UNC80: variants seen among roughly 807,000 people sequenced by gnomAD.
The protein encoded by UNC80 is protein unc-80 homolog.
Under a neutral mutation model 384.6 loss-of-function variants are expected in UNC80, and 164 were observed. That is an observed-to-expected ratio of 0.43 (90% CI 0.38 to 0.49). The LOEUF (loss-of-function observed/expected upper bound fraction) is 0.49, where lower values mean the gene tolerates loss of function less well. Ranked by LOEUF, UNC80 falls within the 20% of genes least tolerant of loss-of-function variation. UNC80 has a pLI of 0.00. For synonymous variants in UNC80, 1,486 were observed against 1,527.8 expected (o/e 0.97, Z 0.64); for missense variants, 3,330 against 4,143.0 (o/e 0.80, Z 5.39).
intron 46 of UNC80, among the ~76,000 whole-genome samples, chr2:209,945,644 T>G (rs1040937718): frequency 2.6e-5 from 4 of 152,208 alleles, no homozygotes; most frequent in Non-Finnish European, 4.4e-5. Context: ...GTATTTTTAT[T>G]TTACATCTGA....
At chr2:209,880,739 G>A (rs2085214354) in intron 24 of UNC80, among the ~76,000 whole-genome samples, 1 of 152,178 alleles carries the variant, frequency 6.6e-6, no homozygotes, top group Non-Finnish European at 1.5e-5. Flanking sequence ...TGGAGGGAGA[G>A]AGATGCTTAT....
At chr2:209,903,566 A>ATATATAGTATATATGTAATATATATATAC (rs1559299305) in intron 28 of UNC80, among the ~76,000 whole-genome samples, 24 of 2,406 alleles carry the variant, frequency 1.0e-2, no homozygotes, top group Non-Finnish European at 0.011. Flanking sequence ...TATATATACT[A>ATATATAGTATATATGTAATATATATATAC]TATATATAGT....
chr2:209,818,985 T>C lies in UNC80; in HGVS notation c.1694-8T>C. ...GGGAGAACTAAGACATTGCTTTCAT[T>C]TTATTAGTGCGATCTCAGATCTCCA... On this transcript the variant is annotated splice_polypyrimidine_tract_variant and splice_region_variant and intron_variant, in intron 11 of 64. Coordinates refer to ENST00000673920, the MANE Select transcript of UNC80 (RefSeq NM_001371986.1). 2 of 1,550,102 alleles carry C rather than the reference T, an allele frequency of 1.3e-6. No homozygotes were observed. Among genetic ancestry groups the C allele is most frequent in the Non-Finnish European group, 1.7e-6 (2 of 1,145,764 alleles).
intron 41 of UNC80, 32 bp from the exon 42 acceptor site, chr2:209,937,497 C>CT (rs760305950): frequency 6.3e-5 from 91 of 1,452,620 alleles, no homozygotes; most frequent in African/African-American, 2.0e-4. Flanking sequence ...CTTTTGAACT[C>CT]TTTTTTTTGT....
intron 22 of UNC80, among the ~76,000 whole-genome samples, chr2:209,867,314 G>A (rs965440947): frequency 4.6e-5 from 7 of 152,192 alleles, no homozygotes; most frequent in African/African-American, 1.7e-4. Flanking sequence ...GGTTTGAGAA[G>A]TGCTGGTTTG....
chr2:209,923,392 G>T (rs2090187410), intron 35 of UNC80, among the ~76,000 whole-genome samples: 1 of 152,086 alleles, frequency 6.6e-6, no homozygotes. Context: ...TCAACTTTGA[G>T]TTAATATGTG....
rs1329270840 is a variant in UNC80, at chr2:209,959,679, G to A, written c.7777G>A (p.Glu2593Lys). 2.6e-6 allele frequency: 4 copies of A among 1,551,574 alleles called. No individual in the cohort carries two copies. The Admixed American group carries it at 7.8e-5, about 30-fold the overall frequency. ...TGGGGAGCCTCGGGTCATTGCCTTG[G>A]AACTGCTGGATGTGAAGTCTCACAT... ...LAGEPRVIAL[E>K]LLDVKSHMRL... The change falls in exon 51 of 65, where the codon GAA (glutamate) becomes AAA (lysine). Residue 2593 changes from glutamate to lysine, a missense_variant. Around this residue, in one of 8 missense-constraint regions of UNC80, gnomAD observed 1,049 missense variants for 1,488.6 expected, o/e 0.70. Transcript: ENST00000673920.
intron 7 of UNC80, 123 bp downstream of exon 7, chr2:209,793,982 T>A (rs2077999996): frequency 8.7e-6 from 10 of 1,149,472 alleles, no homozygotes; most frequent in African/African-American, 1.5e-5. Context: ...TGTGTATACA[T>A]ATTCTTGGTC....
chr2:209,949,508 G>A (rs1014889115), intron 47 of UNC80, among the ~76,000 whole-genome samples: 43 of 151,774 alleles, frequency 2.8e-4, no homozygotes, highest in African/African-American at 9.2e-4. Flanking sequence ...ACAGAGTCTT[G>A]CTCTTGTTGC....
chr2:209,956,957 C>T (rs2092441470), intron 48 of UNC80, among the ~76,000 whole-genome samples: 1 of 152,098 alleles, frequency 6.6e-6, no homozygotes, highest in South Asian at 2.1e-4. Context: ...AGAAGCAAAC[C>T]TTGATGATTT....
chr2:209,967,640 G>A lies in UNC80; in HGVS notation c.8006+3G>A, dbSNP rs1346890236. 6.4e-7 allele frequency: 1 copy of A among 1,551,190 alleles called. No individual in the cohort carries two copies. The highest frequency in any genetic ancestry group is 1.2e-5 in the South Asian group (1 of 83,962). ...ATTCATAAGATGCCTACTTTGAGGT[G>A]AGAATGCCTCCGAGTTAGCTGTTGC... On this transcript the variant is annotated splice_donor_region_variant and intron_variant, in intron 52 of 64. Coordinates refer to ENST00000673920, the MANE Select transcript of UNC80 (RefSeq NM_001371986.1).
intron 33 of UNC80, among the ~76,000 whole-genome samples, chr2:209,920,955 G>A (rs2089990050): frequency 1.3e-5 from 2 of 151,960 alleles, no homozygotes; most frequent in Admixed American, 1.3e-4. Flanking sequence ...AGCCTCCTGA[G>A]TAGCTGGGAT....
chr2:209,834,117 G>T lies in UNC80; in HGVS notation c.2891G>T (p.Gly964Val), dbSNP rs1208998346. Reference sequence around the variant, plus strand: ...GACAGTGCCGAGAAGTTAGCACCAGGGAAAAAGGTGGAGGAGAATGAACAG... The same window carrying T: ...GACAGTGCCGAGAAGTTAGCACCAGTGAAAAAGGTGGAGGAGAATGAACAG... ...LLDSAEKLAP[G>V]KKVEENEQES... is the part of the protein sequence containing the mutation. The change falls in exon 17 of 65, where the codon GGG becomes GTG. Residue 964 changes from glycine to valine, a missense_variant. This residue lies in a region of UNC80 where 801 missense variants were observed against 950.8 expected (regional missense o/e 0.84). Coordinates refer to ENST00000673920, the MANE Select transcript of UNC80 (RefSeq NM_001371986.1). 6.4e-6 allele frequency: 10 copies of T among 1,551,588 alleles called. No individual in the cohort carries two copies. In the East Asian group the frequency reaches 1.2e-4, roughly 19 times the overall value.
chr2:209,995,272 G>T, intron 64 of UNC80, 57 bp from the exon 65 acceptor site: 2 of 1,526,748 alleles, frequency 1.3e-6, no homozygotes, highest in Admixed American at 2.1e-5. Context: ...ATTTTTTGAT[G>T]TTCTTCTCTG....
At chr2:209,888,068 C>A in intron 25 of UNC80, 27 bp from the exon 26 acceptor site, 1 of 1,551,348 alleles carries the variant, frequency 6.4e-7, no homozygotes, top group Non-Finnish European at 8.7e-7. Context: ...GATGCCAGCA[C>A]TCATGTGCTC....
Position 209,820,682 on chromosome 2 carries a change from A to G in UNC80, c.2331+3A>G, listed in dbSNP as rs2080071298. The G allele has an allele frequency of 1.3e-6, 2 of 1,534,774 alleles. No homozygotes were observed. The highest frequency in any genetic ancestry group is 1.8e-6 in the Non-Finnish European group (2 of 1,139,596). ...AGAATGATAAGAACCAAGAGAAGGT[A>G]TGACTGAACCACCTTATGTGTCCTC... On this transcript the variant is annotated splice_donor_region_variant and intron_variant, in intron 13 of 64. Transcript: ENST00000673920.
intron 25 of UNC80, 98 bp from the exon 26 acceptor site, chr2:209,887,997 G>C (rs371213076): frequency 1.8e-6 from 2 of 1,134,090 alleles, no homozygotes; most frequent in African/African-American, 3.1e-5. Flanking sequence ...CTGTTTAAAC[G>C]CAGTTGTGTA....
chr2:209,932,902 G>C (rs2090989281), intron 38 of UNC80, among the ~76,000 whole-genome samples: 2 of 152,056 alleles, frequency 1.3e-5, no homozygotes, highest in South Asian at 4.2e-4. Flanking sequence ...TTCTATTAAG[G>C]GTGAGGGTTG....
chr2:209,989,121 TG>T (rs1335582622), intron 61 of UNC80, among the ~76,000 whole-genome samples: 1 of 148,124 alleles, frequency 6.8e-6, no homozygotes, highest in African/African-American at 2.5e-5. Flanking sequence ...GAGACCAGCC[TG>T]GACAACATGG....
Sources: allele counts gnomAD v4.1 joint callset (sites outside exome capture counted in the v4.1 genomes callset), GRCh38; gene constraint gnomAD v4.1.1; regional missense constraint gnomAD v4.1.1; transcripts MANE v1.5; gene names NCBI Gene and HGNC (gene_info 2026-07-23, HGNC 2026-07-21).